Variants in RBM6 observed in about 807,000 individuals in gnomAD.
RBM6 encodes RNA-binding protein 6.
A neutral mutation model predicts 140.4 loss-of-function variants in RBM6; 23 were observed. That is an observed-to-expected ratio of 0.16 (90% CI 0.12 to 0.23). RBM6 has a LOEUF of 0.23. Among genes scored for constraint, RBM6 ranks in the 10% least tolerant of loss-of-function variants. The pLI, the probability that RBM6 is intolerant of heterozygous loss-of-function variation, is 1.00. For synonymous variants in RBM6, 439 were observed against 475.6 expected, an observed-to-expected ratio of 0.92 and a Z score of 1.00; for missense variants, 1,139 against 1,386.7, an observed-to-expected ratio of 0.82 and a Z score of 2.84.
intron 6 of RBM6, among the ~76,000 whole-genome samples, chr3:50,022,191 G>A (rs1477462481): frequency 1.3e-5 from 2 of 152,086 alleles, no homozygotes; most frequent in Admixed American, 1.3e-4. Context: ...CCAGTGTCAA[G>A]TGTATTTTAA....
intron 1 of RBM6, among the ~76,000 whole-genome samples, chr3:49,955,696 A>C (rs1021380374): frequency 2.0e-5 from 3 of 152,024 alleles, no homozygotes; most frequent in African/African-American, 2.4e-5. Context: ...TACAAAAATT[A>C]GCTGGGTGTA....
intron 6 of RBM6, among the ~76,000 whole-genome samples, chr3:50,043,529 C>G (rs2089046258): frequency 6.7e-6 from 1 of 150,262 alleles, no homozygotes. Context: ...TTTTTATATA[C>G]ATATACATAT....
At chr3:49,942,829 TC>T (rs1388585537) in intron 1 of RBM6, among the ~76,000 whole-genome samples, 10 of 151,932 alleles carry the variant, frequency 6.6e-5, no homozygotes, top group African/African-American at 2.4e-4. Flanking sequence ...CCATTGCACT[TC>T]AGCCTGGGCT....
intron 6 of RBM6, among the ~76,000 whole-genome samples, chr3:50,025,598 T>C (rs947705848): frequency 1.4e-5 from 2 of 146,210 alleles, no homozygotes; most frequent in African/African-American, 5.0e-5. Flanking sequence ...TTTTTTTTTT[T>C]TTTTTTTTAA....
chr3:49,991,974 CAG>C (rs1391409008), intron 5 of RBM6, among the ~76,000 whole-genome samples: 3 of 141,964 alleles, frequency 2.1e-5, no homozygotes, highest in African/African-American at 7.9e-5. Flanking sequence ...TTTTTTGAGG[CAG>C]AGTCTTGCTC....
chr3:50,057,751 A>G lies in RBM6; in HGVS notation c.1717A>G (p.Ile573Val), dbSNP rs1310847628. 2.5e-6 allele frequency: 4 copies of G among 1,613,522 alleles called. No individual in the cohort carries two copies. Among genetic ancestry groups the G allele is most frequent in the Admixed American group, 3.3e-5 (2 of 59,904 alleles). ...AGTGACAGAGGCCAAGCAAGAATTA[A>G]TAACCTACCCTCAGCCTCAGAAAAC... is the stretch of plus-strand genomic sequence containing the variant. ...REVTEAKQEL[I>V]TYPQPQKTSI... is the part of the protein sequence containing the mutation. Residue 573 changes from isoleucine to valine, a missense_variant, in exon 9 of 21, where the codon ATA becomes GTA. By Grantham distance (29) the Ile-to-Val change is conservative. Transcript: ENST00000266022.
At chr3:49,947,189 T>C (rs1223927380) in intron 1 of RBM6, among the ~76,000 whole-genome samples, 18 of 138,080 alleles carry the variant, frequency 1.3e-4, no homozygotes, top group Non-Finnish European at 2.6e-4. Context: ...GAGGCAGAGC[T>C]CGCAGTGAGC....
chr3:50,021,601 A>G (rs1042329311), intron 6 of RBM6, among the ~76,000 whole-genome samples: 12 of 152,168 alleles, frequency 7.9e-5, no homozygotes, highest in African/African-American at 2.7e-4. Context: ...AGATTGCGCC[A>G]GTGCACTCCA....
Position 49,962,634 on chromosome 3 carries a change from A to C in RBM6, c.-8A>C. 1 of 1,590,742 alleles carries C rather than the reference A, an allele frequency of 6.3e-7. No individual in the cohort carries two copies. Among genetic ancestry groups the C allele is most frequent in the Non-Finnish European group, 8.5e-7 (1 of 1,172,434 alleles). On this transcript the variant is annotated 5_prime_UTR_variant, in exon 2 of 21. Transcript: ENST00000266022. ...ATTTACTTGTTGGGGCCCTCTTGAT[A>C]AAAAGAGATGTGGGGGGATTCTCGA...
chr3:49,961,908 C>T (rs2084298286), intron 1 of RBM6, among the ~76,000 whole-genome samples: 2 of 151,686 alleles, frequency 1.3e-5, no homozygotes, highest in Admixed American at 1.3e-4. Flanking sequence ...GTAATCCTAG[C>T]ACTTTGGGAG....
intron 20 of RBM6, among the ~76,000 whole-genome samples, chr3:50,076,505 C>T (rs937238568): frequency 2.0e-5 from 3 of 151,700 alleles, no homozygotes; most frequent in African/African-American, 4.8e-5. Context: ...TCGCTTGTAC[C>T]GGGGAGGCAG....
Position 50,065,059 on chromosome 3 carries a change from C to T in RBM6, c.2615C>T (p.Ala872Val), listed in dbSNP as rs2108932674. 2 of 1,613,686 alleles carry T rather than the reference C, an allele frequency of 1.2e-6. No homozygotes were observed. Among genetic ancestry groups the T allele is most frequent in the East Asian group, 4.5e-5 (2 of 44,836 alleles). Residue 872 changes from alanine (A) to valine (V), a missense_variant, in exon 16 of 21, where the codon GCC (alanine) becomes GTC (valine). By Grantham distance (64) the Ala-to-Val change is moderately conservative (BLOSUM62 0). This residue lies in a region of RBM6 where 163 missense variants were observed against 182.8 expected (regional missense o/e 0.89). Transcript: ENST00000266022. Reference protein sequence around the residue: ...RFQENASEGKAPAEDVFKKPL... With the variant: ...RFQENASEGKVPAEDVFKKPL... The stretch of plus-strand genomic sequence containing the variant: ...CAGGAAAATGCCAGTGAAGGGAAGG[C>T]CCCTGCAGAAGACGTCTTTAAGAAG...
intron 6 of RBM6, among the ~76,000 whole-genome samples, chr3:50,039,365 G>A (rs951942349): frequency 4.6e-5 from 7 of 152,000 alleles, no homozygotes; most frequent in South Asian, 2.1e-4. Context: ...TCAGCCTCCC[G>A]AGTAGCTGGG....
At chr3:50,037,819 CTTTTT>C (rs11328228) in intron 6 of RBM6, among the ~76,000 whole-genome samples, 1 of 127,512 alleles carries the variant, frequency 7.8e-6, no homozygotes, top group Non-Finnish European at 1.7e-5. Context: ...CTTTTCTTTC[CTTTTT>C]TTTTTTTTTT....
chr3:49,984,144 A>G (rs988620762), intron 5 of RBM6, among the ~76,000 whole-genome samples: 4 of 152,094 alleles, frequency 2.6e-5, no homozygotes, highest in Non-Finnish European at 5.9e-5. Context: ...AAATACAAAA[A>G]AAATTAGCTG....
intron 6 of RBM6, among the ~76,000 whole-genome samples, chr3:50,007,275 C>A (rs1190833170): frequency 6.6e-6 from 1 of 151,072 alleles, no homozygotes; most frequent in Non-Finnish European, 1.5e-5. Context: ...CGGCTCACTG[C>A]AACCTCCGTT....
At chr3:50,024,725 G>C (rs1284927156) in intron 6 of RBM6, among the ~76,000 whole-genome samples, 1 of 152,174 alleles carries the variant, frequency 6.6e-6, no homozygotes, top group Non-Finnish European at 1.5e-5. Flanking sequence ...AGGCTGAAGC[G>C]TGCAGATTAC....
intron 6 of RBM6, among the ~76,000 whole-genome samples, chr3:50,020,963 G>A (rs1191893792): frequency 2.6e-5 from 4 of 152,134 alleles, no homozygotes; most frequent in Non-Finnish European, 5.9e-5. Context: ...TCTTTAGCTT[G>A]TGTGTTATTT....
chr3:49,989,864 A>G (rs984725997), intron 5 of RBM6, among the ~76,000 whole-genome samples: 6 of 152,170 alleles, frequency 3.9e-5, no homozygotes, highest in African/African-American at 1.4e-4. Flanking sequence ...CTCGTGCCTC[A>G]GCCTCCCTTG....
Sources: gnomAD v4.1 joint callset for allele counts (sites outside exome capture counted in the v4.1 genomes callset) on GRCh38, gnomAD v4.1.1 for gene constraint, gnomAD v4.1.1 regional missense constraint, MANE v1.5 for transcripts, NCBI Gene and HGNC (gene_info 2026-07-23, HGNC 2026-07-21) for gene names.